The following PCDHGA12 variants were observed in gnomAD, a reference collection of about 807,000 sequenced individuals.
The protein encoded by PCDHGA12 is protocadherin gamma subfamily A, 12.
PCDHGA12 carries 43 observed loss-of-function variants against 61.1 expected under a neutral mutation model. That is an observed-to-expected ratio of 0.70 (90% CI 0.55 to 0.91). PCDHGA12 has a LOEUF of 0.91. Ranked by LOEUF, PCDHGA12 falls within the 40% of genes least tolerant of loss-of-function variation. PCDHGA12 has a pLI of 0.00. For synonymous variants in PCDHGA12, 520 were observed against 542.9 expected, an observed-to-expected ratio of 0.96 and a Z score of 0.59; for missense variants, 1,236 against 1,227.7, an observed-to-expected ratio of 1.01 and a Z score of -0.10.
chr5:141,490,993 C>G lies in PCDHGA12; in HGVS notation c.2425-3814C>G, dbSNP rs746618787. 1.9e-6 allele frequency: 3 copies of G among 1,614,140 alleles called. No individual in the cohort carries two copies. Among genetic ancestry groups the G allele is most frequent in the Non-Finnish European group, 2.5e-6 (3 of 1,180,030 alleles). On this transcript the variant is annotated intron_variant, in intron 1 of 3. Coordinates refer to ENST00000252085, the MANE Select transcript of PCDHGA12 (RefSeq NM_003735.3). The surrounding 1 kb of genome is among the most constrained non-coding windows in gnomAD (Gnocchi z 5.4). ...CCAGCGTCTCCCTCGCTCTGCTCCT[C>G]CTGGCTCCTTGGTCACCAAGGTGAC...
At chr5:141,470,694 A>T (rs763715272) in intron 1 of PCDHGA12, among the ~76,000 whole-genome samples, 1 of 151,978 alleles carries the variant, frequency 6.6e-6, no homozygotes, top group African/African-American at 2.4e-5. Flanking sequence ...GAAATTCTTA[A>T]TAATTTTTAT....
chr5:141,439,118 G>A (rs1293542421), intron 1 of PCDHGA12, among the ~76,000 whole-genome samples: 3 of 151,390 alleles, frequency 2.0e-5, no homozygotes, highest in Non-Finnish European at 4.4e-5. Flanking sequence ...ACTTGAACCC[G>A]GGAGACAGAG....
Position 141,489,565 on chromosome 5 carries a change from G to C in PCDHGA12, c.2425-5242G>C. The C allele has an allele frequency of 6.2e-7, 1 of 1,614,118 alleles. No homozygotes were observed. ...CAGCTGCCTGCTGCCAGTGCAGGTGGTGACTGAACACCCCCTGGAGCTAAT... is the reference window on the plus strand; with the variant it reads ...CAGCTGCCTGCTGCCAGTGCAGGTGCTGACTGAACACCCCCTGGAGCTAAT... On this transcript the variant is annotated intron_variant, in intron 1 of 3. Coordinates refer to ENST00000252085, the MANE Select transcript of PCDHGA12 (RefSeq NM_003735.3). This position sits in a 1 kb window ranked among gnomAD's most constrained non-coding sequence, Gnocchi z 4.5.
At chr5:141,447,011 C>T (rs1213312322) in intron 1 of PCDHGA12, among the ~76,000 whole-genome samples, 1 of 143,918 alleles carries the variant, frequency 6.9e-6, no homozygotes. Flanking sequence ...TCCTAGTGTT[C>T]AGTTTTGTTT....
At chr5:141,440,617 C>T (rs1469883341) in intron 1 of PCDHGA12, 1 of 152,168 alleles carries the variant, frequency 6.6e-6, no homozygotes, top group East Asian at 1.9e-4. Context: ...TGCAGAAGAT[C>T]CTGATGTTGA....
rs769153122 is a variant in PCDHGA12 at position 141,485,243 on chromosome 5, C to T, written c.2425-9564C>T. 8 of 1,614,062 alleles carry T rather than the reference C, an allele frequency of 5.0e-6. No homozygotes were observed. In the Admixed American group the frequency reaches 1.2e-4, roughly 24 times the overall value. ...TACCCTTTTGTTCCTCTTTTACCACCTGGGTTACGTTTGTGGGCAGATCCG... is the reference window on the plus strand; with the variant it reads ...TACCCTTTTGTTCCTCTTTTACCACTTGGGTTACGTTTGTGGGCAGATCCG... On this transcript the variant is annotated intron_variant, in intron 1 of 3. Transcript: ENST00000252085. The surrounding 1 kb of genome is among the most constrained non-coding windows in gnomAD (Gnocchi z 5.7).
At chr5:141,501,290 T>TACACACACAC (rs55762287) in intron 2 of PCDHGA12, among the ~76,000 whole-genome samples, 12 of 136,162 alleles carry the variant, frequency 8.8e-5, no homozygotes, top group Admixed American at 4.7e-4. Context: ...TATTCCCTTA[T>TACACACACAC]ACACACACAC....
chr5:141,455,133 C>G (rs1172825339), intron 1 of PCDHGA12, among the ~76,000 whole-genome samples: 2 of 151,392 alleles, frequency 1.3e-5, no homozygotes, highest in African/African-American at 4.9e-5. Context: ...TTAAATTACA[C>G]TGTGTTAAAT....
rs1301800438 is a variant in PCDHGA12, at chr5:141,432,966, C to T, written c.2207C>T (p.Pro736Leu). Reference protein sequence around the residue: ...QASGGGLTGAPASHFVGVDGV... With the variant: ...QASGGGLTGALASHFVGVDGV... ...TCAGGAGGCGGCTTGACAGGAGCGC[C>T]GGCGTCGCACTTTGTGGGCGTGGAC... The change falls in exon 1 of 4, where the codon CCG becomes CTG. Residue 736 changes from proline to leucine, a missense_variant. Coordinates refer to ENST00000252085, the MANE Select transcript of PCDHGA12 (RefSeq NM_003735.3). This position sits in a 1 kb window ranked among gnomAD's most constrained non-coding sequence, Gnocchi z 6.0. 1.2e-6 allele frequency: 2 copies of T among 1,614,066 alleles called. No homozygotes were observed. The highest frequency in any genetic ancestry group is 8.5e-7 in the Non-Finnish European group (1 of 1,180,052).
At chr5:141,462,036 G>T (rs760555655) in intron 1 of PCDHGA12, among the ~76,000 whole-genome samples, 6 of 151,978 alleles carry the variant, frequency 3.9e-5, no homozygotes, top group Non-Finnish European at 8.8e-5. Flanking sequence ...TTGGTCAGGC[G>T]GGTCTTGAAC....
intron 3 of PCDHGA12, among the ~76,000 whole-genome samples, chr5:141,510,230 G>A (rs1285202719): frequency 2.7e-5 from 4 of 149,638 alleles, no homozygotes; most frequent in Non-Finnish European, 5.9e-5. Context: ...CCGGGATCGC[G>A]CCACTGCACT....
chr5:141,494,882 C>T lies in PCDHGA12; in HGVS notation c.2483+17C>T, dbSNP rs771484301. On this transcript the variant is annotated intron_variant, in intron 2 of 3. Transcript: ENST00000252085. ...CACCAGCGGGTAGGTGACTGATTCT[C>T]CAGCCCACCCTCTTCTCTGCGGCAT... is the stretch of plus-strand genomic sequence containing the variant. 35 of 1,614,128 alleles carry T rather than the reference C, an allele frequency of 2.2e-5. No homozygotes were observed. The highest frequency in any genetic ancestry group is 3.3e-4 in the Middle Eastern group (2 of 6,060).
intron 1 of PCDHGA12, among the ~76,000 whole-genome samples, chr5:141,438,636 ACACACAC>A: frequency 3.9e-5 from 1 of 25,700 alleles, no homozygotes; most frequent in African/African-American, 1.5e-4. Flanking sequence ...ATATATATAT[ACACACAC>A]ACACACACAT....
At chr5:141,495,102 C>A (rs1344771035) in intron 2 of PCDHGA12, among the ~76,000 whole-genome samples, 3 of 152,160 alleles carry the variant, frequency 2.0e-5, no homozygotes, top group Non-Finnish European at 4.4e-5. Flanking sequence ...CTCGCCACGA[C>A]CGGCACCTTT....
In PCDHGA12 at chr5:141,432,498, G is replaced by A. The variant is rs766191511; in HGVS notation, c.1739G>A (p.Arg580His). Reference sequence around the variant, plus strand: ...TCCACTGGCGTGGAGCTGGCTCCCCGCTCCGCAGAGCCCGGCTACCTGGTG... The same window carrying A: ...TCCACTGGCGTGGAGCTGGCTCCCCACTCCGCAGAGCCCGGCTACCTGGTG... ...DGSTGVELAP[R>H]SAEPGYLVTK... The change falls in exon 1 of 4, where the codon CGC becomes CAC. Residue 580 changes from arginine to histidine, a missense_variant. Coordinates refer to ENST00000252085, the MANE Select transcript of PCDHGA12 (RefSeq NM_003735.3). This position sits in a 1 kb window ranked among gnomAD's most constrained non-coding sequence, Gnocchi z 6.0. The A allele has an allele frequency of 1.9e-6, 3 of 1,614,106 alleles. No homozygotes were observed. The highest frequency in any genetic ancestry group is 2.5e-6 in the Non-Finnish European group (3 of 1,180,052).
intron 1 of PCDHGA12, among the ~76,000 whole-genome samples, chr5:141,450,315 G>A (rs1319432573): frequency 1.3e-5 from 2 of 151,918 alleles, no homozygotes; most frequent in African/African-American, 4.8e-5. Context: ...GTGTGGCCTA[G>A]TTGCCATGTC....
chr5:141,450,887 C>A (rs531604055), intron 1 of PCDHGA12, among the ~76,000 whole-genome samples: 1 of 148,582 alleles, frequency 6.7e-6, no homozygotes, highest in East Asian at 2.0e-4. Flanking sequence ...TGCAGTGGTG[C>A]GATATCGGCT....
chr5:141,444,373 G>A (rs2098434682), intron 1 of PCDHGA12, among the ~76,000 whole-genome samples: 1 of 151,902 alleles, frequency 6.6e-6, no homozygotes, highest in South Asian at 2.1e-4. Context: ...GTTTCTCCAT[G>A]TTGGTCAGGC....
intron 1 of PCDHGA12, among the ~76,000 whole-genome samples, chr5:141,433,847 A>C (rs979302028): frequency 6.6e-6 from 1 of 151,976 alleles, no homozygotes; most frequent in South Asian, 2.1e-4. Context: ...CAAAAAAAAA[A>C]AAAAAAAACT....
Sources: allele counts gnomAD v4.1 joint callset (sites outside exome capture counted in the v4.1 genomes callset), GRCh38; gene constraint gnomAD v4.1.1; non-coding constraint Gnocchi (gnomAD v3.1); transcripts MANE v1.5; gene names NCBI Gene and HGNC (gene_info 2026-07-23, HGNC 2026-07-21).